CTNNA3: variants seen among roughly 807,000 people sequenced by gnomAD.
The protein encoded by CTNNA3 is catenin alpha 3, also known as catenin alpha-3.
In CTNNA3, 76 loss-of-function variants were observed where a neutral mutation model predicts 95.7. That is an observed-to-expected ratio of 0.79 (90% confidence interval 0.66 to 0.96). The LOEUF (loss-of-function observed/expected upper bound fraction) is 0.96. Ranked by LOEUF, CTNNA3 falls within the 40% of genes least tolerant of loss-of-function variation. The probability of loss-of-function intolerance (pLI) is 0.00; values close to 1 mark genes in which losing one functional copy is unlikely to be tolerated. For missense variants in CTNNA3, 1,191 were observed against 1,089.8 expected (o/e 1.09, Z -1.31); for synonymous variants, 431 against 374.4 (o/e 1.15, Z -1.74).
At chr10:66,297,285 C>T (rs1442533496) in intron 12 of CTNNA3, among the ~76,000 whole-genome samples, 4 of 152,118 alleles carry the variant, frequency 2.6e-5, no homozygotes, top group Middle Eastern at 3.4e-3. Context: ...TTCCACATAA[C>T]CACCCCCTGG....
At chr10:67,478,431 A>C (rs1848099362) in intron 5 of CTNNA3, among the ~76,000 whole-genome samples, 1 of 152,338 alleles carries the variant, frequency 6.6e-6, no homozygotes, top group Non-Finnish European at 1.5e-5. Context: ...CTAACAGCAG[A>C]CTTCTCAGCA....
At chr10:67,480,834 G>A (rs1848191137) in intron 5 of CTNNA3, among the ~76,000 whole-genome samples, 1 of 152,042 alleles carries the variant, frequency 6.6e-6, no homozygotes, top group Admixed American at 6.5e-5. Context: ...CTGGGTTGGG[G>A]TCTCCATGAC....
intron 14 of CTNNA3, among the ~76,000 whole-genome samples, chr10:66,089,208 TTTG>T (rs2081115649): frequency 6.6e-6 from 1 of 151,970 alleles, no homozygotes; most frequent in Non-Finnish European, 1.5e-5. Flanking sequence ...TATAGGGCCC[TTTG>T]TTGTTGTTGT....
chr10:67,236,439 C>T (rs546873503), intron 5 of CTNNA3, among the ~76,000 whole-genome samples: 5 of 147,786 alleles, frequency 3.4e-5, no homozygotes, highest in Non-Finnish European at 5.9e-5. Flanking sequence ...CATATTCTCA[C>T]TCATAGGTGG....
chr10:67,647,384 C>T (rs1440905159), intron 2 of CTNNA3, 31 bp downstream of exon 2: 1 of 1,461,222 alleles, frequency 6.8e-7, no homozygotes, highest in East Asian at 2.3e-5. Context: ...TCTGCAGTTA[C>T]TATATATCAT....
chr10:66,412,174 C>T lies in CTNNA3; in HGVS notation c.1532-32822G>A, dbSNP rs538196300. 2.0e-5 allele frequency among the ~76,000 whole-genome samples: 3 copies of T among 152,088 alleles called. No individual in the cohort carries two copies. In the South Asian group the frequency reaches 6.2e-4, roughly 32 times the overall value. On this transcript the variant is annotated intron_variant, in intron 11 of 17. Transcript: ENST00000433211. ...TTCGATATTCCAGCAAGATAAAAAG[C>T]TAATTTGGCATGAAGGATTAGAGAA...
chr10:66,535,342 G>A (rs1322211801), intron 10 of CTNNA3, among the ~76,000 whole-genome samples: 3 of 152,158 alleles, frequency 2.0e-5, no homozygotes, highest in South Asian at 4.1e-4. Flanking sequence ...GTAACATGCC[G>A]TGTAAGAGAT....
At chr10:66,067,111 T>A (rs1327490289) in intron 15 of CTNNA3, among the ~76,000 whole-genome samples, 2 of 152,180 alleles carry the variant, frequency 1.3e-5, no homozygotes, top group Non-Finnish European at 2.9e-5. Context: ...CTGAGGCTAG[T>A]CATAAATACT....
intron 7 of CTNNA3, among the ~76,000 whole-genome samples, chr10:66,811,848 C>A (rs557146618): frequency 5.0e-4 from 76 of 152,262 alleles, no homozygotes; most frequent in South Asian, 1.5e-3. Flanking sequence ...AATCAGATTG[C>A]CTGTTTATAT....
chr10:67,659,786 C>T (rs1387441856), intron 1 of CTNNA3, among the ~76,000 whole-genome samples: 2 of 152,188 alleles, frequency 1.3e-5, no homozygotes. Context: ...CCATCCCATT[C>T]CATAATATTG....
chr10:66,030,134 G>A (rs1258055917), intron 15 of CTNNA3, among the ~76,000 whole-genome samples: 6 of 152,048 alleles, frequency 3.9e-5, no homozygotes, highest in Non-Finnish European at 1.5e-5. Flanking sequence ...TCATAAAATG[G>A]CCATACTGCC....
At chr10:67,718,247 C>T (rs1408806709) in intron 1 of CTNNA3, among the ~76,000 whole-genome samples, 1 of 152,204 alleles carries the variant, frequency 6.6e-6, no homozygotes, top group African/African-American at 2.4e-5. Context: ...AATATTCAAT[C>T]ATGCCATCTG....
intron 15 of CTNNA3, among the ~76,000 whole-genome samples, chr10:66,049,171 T>C (rs541622845): frequency 1.6e-4 from 25 of 152,236 alleles, no homozygotes; most frequent in African/African-American, 5.5e-4. Context: ...ATCTGGCCAA[T>C]AAGCATATGA....
At chr10:66,451,712 G>C (rs1407941573) in intron 11 of CTNNA3, among the ~76,000 whole-genome samples, 1 of 152,028 alleles carries the variant, frequency 6.6e-6, no homozygotes, top group African/African-American at 2.4e-5. Flanking sequence ...AATTATGTGA[G>C]TTAAAATTGG....
chr10:66,222,347 A>C (rs1478039158), intron 13 of CTNNA3, among the ~76,000 whole-genome samples: 1 of 152,182 alleles, frequency 6.6e-6, no homozygotes, highest in African/African-American at 2.4e-5. Flanking sequence ...TTGCTCATGC[A>C]AATGTCTACA....
chr10:67,664,573 T>C (rs985320347), intron 1 of CTNNA3, among the ~76,000 whole-genome samples: 1 of 152,148 alleles, frequency 6.6e-6, no homozygotes, highest in African/African-American at 2.4e-5. Flanking sequence ...GCATTTATTT[T>C]ATTGTTTTTT....
chr10:66,061,064 G>GT (rs1440935051), intron 15 of CTNNA3, among the ~76,000 whole-genome samples: 2 of 152,120 alleles, frequency 1.3e-5, no homozygotes, highest in Non-Finnish European at 2.9e-5. Context: ...ATGCTGGGTT[G>GT]TTAGAAGATG....
chr10:67,222,806 T>G (rs1864721597), intron 5 of CTNNA3, among the ~76,000 whole-genome samples: 1 of 152,212 alleles, frequency 6.6e-6, no homozygotes. Flanking sequence ...TTATGCTTCT[T>G]TATTTAGAAG....
At chr10:66,655,975 G>T (rs1162616386) in intron 9 of CTNNA3, among the ~76,000 whole-genome samples, 1 of 152,002 alleles carries the variant, frequency 6.6e-6, no homozygotes, top group African/African-American at 2.4e-5. Context: ...AGGAATAACA[G>T]AAGAAGTAGT....
Sources: gnomAD v4.1 joint callset for allele counts (sites outside exome capture counted in the v4.1 genomes callset) on GRCh38, gnomAD v4.1.1 for gene constraint, MANE v1.5 for transcripts, NCBI Gene and HGNC (gene_info 2026-07-23, HGNC 2026-07-21) for gene names.